PRELID2: variants seen among roughly 807,000 people sequenced by gnomAD.
PRELID2 encodes PRELI domain containing 2.
A neutral mutation model predicts 28.4 loss-of-function variants in PRELID2; 25 were observed. That is an observed-to-expected ratio of 0.88 (90% CI 0.64 to 1.23). The LOEUF is 1.23. PRELID2 is among the 50% of genes most tolerant of loss of function. The pLI is 0.00. For missense variants in PRELID2, 201 were observed against 214.4 expected (o/e 0.94, Z 0.39); for synonymous variants, 76 against 71.6 (o/e 1.06, Z -0.31).
chr5:145,773,109 T>C (rs561138510), intron 5 of PRELID2, among the ~76,000 whole-genome samples: 1 of 152,340 alleles, frequency 6.6e-6, no homozygotes, highest in East Asian at 1.9e-4. Context: ...TTAAAGAGAA[T>C]ATTTAATTTT....
At chr5:145,819,828 G>A (rs1176521434) in intron 3 of PRELID2, 117 bp downstream of exon 3, 9 of 749,040 alleles carry the variant, frequency 1.2e-5, no homozygotes, top group South Asian at 9.6e-5. Context: ...AAGGTTCTGA[G>A]GTAAAAGGAG....
chr5:145,535,942 A>T (rs1001069225), intron 1 of PRELID2, among the ~76,000 whole-genome samples: 5 of 151,958 alleles, frequency 3.3e-5, no homozygotes, highest in Non-Finnish European at 7.4e-5. Flanking sequence ...CATTTCCATT[A>T]CAACCAATTC....
chr5:145,261,385 T>A, the PRELID2 span, among the ~76,000 whole-genome samples: 1 of 152,136 alleles, frequency 6.6e-6, no homozygotes, highest in African/African-American at 2.4e-5. Flanking sequence ...ACAAAACCAG[T>A]GCACAACAAA....
At chr5:145,474,233 G>T (rs146119648) in intron 1 of PRELID2, among the ~76,000 whole-genome samples, 1 of 152,182 alleles carries the variant, frequency 6.6e-6, no homozygotes, top group South Asian at 2.1e-4. Context: ...GAATGTAGAC[G>T]TGATCAGTTT....
At chr5:145,231,801 A>T in the PRELID2 span, among the ~76,000 whole-genome samples, 1 of 152,178 alleles carries the variant, frequency 6.6e-6, no homozygotes, top group Admixed American at 6.5e-5. Flanking sequence ...TGAAGAGAGA[A>T]GGTGTCTTCT....
chr5:145,229,175 G>T, the PRELID2 span: 6 of 921,428 alleles, frequency 6.5e-6, no homozygotes, highest in Non-Finnish European at 1.1e-5. Flanking sequence ...CCACAAGAAA[G>T]GGGAACGATC....
chr5:145,278,367 T>C, the PRELID2 span, among the ~76,000 whole-genome samples: 3 of 152,170 alleles, frequency 2.0e-5, no homozygotes, highest in African/African-American at 7.2e-5. Flanking sequence ...ATCAAGATGT[T>C]AGCCAGGACT....
At chr5:145,817,568 G>A (rs538991406) in intron 4 of PRELID2, among the ~76,000 whole-genome samples, 1 of 150,982 alleles carries the variant, frequency 6.6e-6, no homozygotes, top group East Asian at 1.9e-4. Flanking sequence ...TACTATACAG[G>A]CTCTATGAGT....
chr5:145,390,248 G>A, the PRELID2 span, among the ~76,000 whole-genome samples: 9 of 152,116 alleles, frequency 5.9e-5, no homozygotes, highest in African/African-American at 2.2e-4. Flanking sequence ...CAGACCCAAA[G>A]AACAAAATTT....
At chr5:145,561,067 A>G (rs1752921681) in intron 1 of PRELID2, among the ~76,000 whole-genome samples, 1 of 152,118 alleles carries the variant, frequency 6.6e-6, no homozygotes, top group African/African-American at 2.4e-5. Context: ...TAAGCTACAA[A>G]ATGACTGAAA....
intron 1 of PRELID2, among the ~76,000 whole-genome samples, chr5:145,493,015 T>C (rs888232250): frequency 7.1e-6 from 1 of 141,028 alleles, no homozygotes; most frequent in African/African-American, 2.5e-5. Context: ...GGTATCTCTC[T>C]CAGCCACTAT....
chr5:145,311,008 CAATTT>C, the PRELID2 span, among the ~76,000 whole-genome samples: 1 of 152,164 alleles, frequency 6.6e-6, no homozygotes, highest in Non-Finnish European at 1.5e-5. Context: ...CTCTTCCTCT[CAATTT>C]GATTCATGTA....
chr5:145,471,872 G>A (rs925093968), exon 3 of PRELID2: 2 of 152,144 alleles, frequency 1.3e-5, no homozygotes, highest in Non-Finnish European at 2.9e-5. Flanking sequence ...TGGGAGAGCT[G>A]GAGGAGCCAG....
chr5:145,408,464 A>T, the PRELID2 span, among the ~76,000 whole-genome samples: 1 of 146,456 alleles, frequency 6.8e-6, no homozygotes, highest in African/African-American at 2.5e-5. Context: ...ATATATGTAT[A>T]ATATATATAT....
At chr5:145,534,487 C>T (rs1752682672) in intron 1 of PRELID2, among the ~76,000 whole-genome samples, 1 of 151,904 alleles carries the variant, frequency 6.6e-6, no homozygotes, top group Non-Finnish European at 1.5e-5. Context: ...CAGAACTTTC[C>T]AACAGAGCAT....
At chr5:145,661,115 C>T (rs886856767) in intron 1 of PRELID2, among the ~76,000 whole-genome samples, 5 of 152,162 alleles carry the variant, frequency 3.3e-5, no homozygotes, top group Non-Finnish European at 7.3e-5. Flanking sequence ...GGTTACAAAA[C>T]TGTTCTTGAA....
chr5:145,656,267 G>A (rs892851990), intron 1 of PRELID2, among the ~76,000 whole-genome samples: 1 of 152,202 alleles, frequency 6.6e-6, no homozygotes, highest in Non-Finnish European at 1.5e-5. Flanking sequence ...TGCTGGAGAG[G>A]ATGTGGAGAA....
At chr5:145,588,330 A>G (rs982854558) in intron 1 of PRELID2, among the ~76,000 whole-genome samples, 1 of 152,076 alleles carries the variant, frequency 6.6e-6, no homozygotes, top group African/African-American at 2.4e-5. Flanking sequence ...TGAGCAGCAC[A>G]TCTCCCTGCA....
chr5:145,350,184 A>G, the PRELID2 span, among the ~76,000 whole-genome samples: 1 of 152,152 alleles, frequency 6.6e-6, no homozygotes, highest in Non-Finnish European at 1.5e-5. Flanking sequence ...AAGCCTGATG[A>G]CTCCTTAGCA....
Sources: gnomAD v4.1 joint callset for allele counts (sites outside exome capture counted in the v4.1 genomes callset) on GRCh38, gnomAD v4.1.1 for gene constraint, MANE v1.5 for transcripts, NCBI Gene and HGNC (gene_info 2026-07-23, HGNC 2026-07-21) for gene names.